Variants in NDUFA5 observed in about 807,000 individuals in gnomAD.
The protein encoded by NDUFA5 is NADH dehydrogenase [ubiquinone] 1 alpha subcomplex subunit 5.
NDUFA5 carries 11 observed loss-of-function variants against 19.8 expected under a neutral mutation model. The ratio of observed to expected loss-of-function variants is 0.56; its 90% CI spans 0.35 to 0.92. The LOEUF is 0.92. NDUFA5 is among the 40% of genes least tolerant of loss of function. The pLI is 0.01. For synonymous variants in NDUFA5, 47 were observed against 46.8 expected, an observed-to-expected ratio of 1.00 and a Z score of -0.01; for missense variants, 109 against 134.2, an observed-to-expected ratio of 0.81 and a Z score of 0.93.
Position 123,541,141 on chromosome 7 carries a change from A to G in NDUFA5, c.*978T>C, listed in dbSNP as rs1397772397. 1 of 152,146 alleles carries G rather than the reference A, an allele frequency of 6.6e-6. No individual in the cohort carries two copies. Among genetic ancestry groups the G allele is most frequent in the African/African-American group, 2.4e-5 (1 of 41,420 alleles). 9.4% of individuals were successfully genotyped at this position (152,146 alleles called of 1,614,324 possible). A position where few individuals can be genotyped will look rare whatever the true frequency, so the allele number is the denominator to read the frequency against. On this transcript the variant is annotated 3_prime_UTR_variant, in exon 5 of 5. Coordinates refer to ENST00000355749, the MANE Select transcript of NDUFA5 (RefSeq NM_005000.5). ...ATACCCACCTACACTTATATTAGAA[A>G]CGTACTGCAAACTATTTAGTGACTC...
chr7:123,559,851 G>A (rs759761276), upstream of NDUFA5, among the ~76,000 whole-genome samples: 77 of 121,148 alleles, frequency 6.4e-4, no homozygotes, highest in Non-Finnish European at 1.1e-3. Context: ...GCAAGATTCC[G>A]TCTCACAAAA....
intron 3 of NDUFA5, among the ~76,000 whole-genome samples, chr7:123,546,279 T>C (rs1371085380): frequency 1.3e-5 from 2 of 152,018 alleles, no homozygotes; most frequent in Non-Finnish European, 2.9e-5. Flanking sequence ...CAAGCCAGAG[T>C]ACAGTATGTA....
At chr7:123,575,477 T>G in the NDUFA5 span, among the ~76,000 whole-genome samples, 1 of 152,102 alleles carries the variant, frequency 6.6e-6, no homozygotes, top group Non-Finnish European at 1.5e-5. Context: ...GAAAACAACT[T>G]TAATTGTATC....
rs766305834 is a variant in NDUFA5, at chr7:123,540,890, G to GCGCGCGCGCGCGCACA, written c.*1228_*1229insTGTGCGCGCGCGCGCG. On this transcript the variant is annotated 3_prime_UTR_variant, in exon 5 of 5. Transcript: ENST00000355749. ...TCTGAGCAAATGTGCGCATGCGCGT[G>GCGCGCGCGCGCGCACA]CACACACACACACACACACACACAC... is the stretch of plus-strand genomic sequence containing the variant. The GCGCGCGCGCGCGCACA allele has an allele frequency of 1.1e-4, 15 of 133,830 alleles. No individual in the cohort carries two copies. The highest frequency in any genetic ancestry group is 4.4e-4 in the African/African-American group (15 of 33,802). 8.3% of individuals were successfully genotyped at this position (133,830 alleles called of 1,614,324 possible). A position where few individuals can be genotyped will look rare whatever the true frequency, so the allele number is the denominator to read the frequency against.
At chr7:123,579,187 T>C in the NDUFA5 span, among the ~76,000 whole-genome samples, 11 of 152,122 alleles carry the variant, frequency 7.2e-5, no homozygotes, top group Non-Finnish European at 1.0e-4. Context: ...TCACTTAGGG[T>C]AATGGCCTCC....
chr7:123,542,326 C>A, intron 4 of NDUFA5, 106 bp from the exon 5 acceptor site: 1 of 716,334 alleles, frequency 1.4e-6, no homozygotes, highest in Non-Finnish European at 2.3e-6. Context: ...TTTAATATCT[C>A]ATAATCTATT....
rs1562890110 is a variant in NDUFA5 at position 123,540,907 on chromosome 7, C to CACACACACACAA, written c.*1211_*1212insTTGTGTGTGTGT. On this transcript the variant is annotated 3_prime_UTR_variant, in exon 5 of 5. Coordinates refer to ENST00000355749, the MANE Select transcript of NDUFA5 (RefSeq NM_005000.5). ...ATGCGCGTGCACACACACACACACA[C>CACACACACACAA]ACACACACACACACACACACACACA... 1 of 150,332 alleles carries CACACACACACAA rather than the reference C, an allele frequency of 6.7e-6. No individual in the cohort carries two copies. The highest frequency in any genetic ancestry group is 1.9e-4 in the East Asian group (1 of 5,230). The allele number at this position is 150,332 out of a possible 1,614,324, so 9.3% of individuals were successfully genotyped here.
At chr7:123,545,556 G>A (rs1433236742) in intron 4 of NDUFA5, 55 bp downstream of exon 4, 22 of 1,354,198 alleles carry the variant, frequency 1.6e-5, no homozygotes, top group Non-Finnish European at 2.1e-5. Context: ...ATTCTAGAAC[G>A]TCAGTTGTGT....
the NDUFA5 span, among the ~76,000 whole-genome samples, chr7:123,572,204 C>T: frequency 2.1e-4 from 28 of 131,550 alleles, no homozygotes; most frequent in East Asian, 6.9e-4. Context: ...TGCAGTGACG[C>T]GATCTTGCCT....
the NDUFA5 span, among the ~76,000 whole-genome samples, chr7:123,576,660 C>G: frequency 6.6e-6 from 1 of 152,118 alleles, no homozygotes; most frequent in Non-Finnish European, 1.5e-5. Context: ...AAGACTTGTA[C>G]CACCACCTTG....
chr7:123,550,309 T>A, intron 3 of NDUFA5, 161 bp downstream of exon 3: 1 of 575,906 alleles, frequency 1.7e-6, no homozygotes, highest in South Asian at 1.9e-5. Flanking sequence ...TAGAAAACAC[T>A]CAATAAACAA....
the NDUFA5 span, among the ~76,000 whole-genome samples, chr7:123,598,297 T>C: frequency 6.6e-6 from 1 of 152,154 alleles, no homozygotes; most frequent in Non-Finnish European, 1.5e-5. Context: ...AACAATGATA[T>C]GAAATAACAA....
intron 3 of NDUFA5, among the ~76,000 whole-genome samples, chr7:123,547,574 A>G (rs1798182778): frequency 6.6e-6 from 1 of 152,146 alleles, no homozygotes; most frequent in African/African-American, 2.4e-5. Flanking sequence ...AGGGGGAGAA[A>G]AGGGGAAAAA....
the NDUFA5 span, among the ~76,000 whole-genome samples, chr7:123,565,738 G>A: frequency 2.6e-5 from 4 of 152,112 alleles, no homozygotes; most frequent in South Asian, 2.1e-4. Flanking sequence ...AAAGTTAGCC[G>A]GGCGCAGTGG....
the NDUFA5 span, among the ~76,000 whole-genome samples, chr7:123,589,735 G>A: frequency 6.6e-6 from 1 of 152,022 alleles, no homozygotes; most frequent in African/African-American, 2.4e-5. Flanking sequence ...GGACATTTGG[G>A]TTGATTCCAA....
At chr7:123,559,420 TATAGA>T (rs1436691269), upstream of NDUFA5, among the ~76,000 whole-genome samples, 1 of 151,658 alleles carries the variant, frequency 6.6e-6, no homozygotes, top group Non-Finnish European at 1.5e-5. Context: ...TATTCCAAAA[TATAGA>T]AGAGGAGGAA....
At chr7:123,558,874 A>G (rs1308038159), upstream of NDUFA5, among the ~76,000 whole-genome samples, 3 of 152,206 alleles carry the variant, frequency 2.0e-5, no homozygotes, top group Admixed American at 1.3e-4. Flanking sequence ...CTTAGGCAAC[A>G]GTTGAAGAGA....
At chr7:123,591,728 G>A in the NDUFA5 span, among the ~76,000 whole-genome samples, 4 of 152,196 alleles carry the variant, frequency 2.6e-5, no homozygotes, top group East Asian at 1.9e-4. Context: ...TTTTCACATC[G>A]ATGTTCATCA....
the NDUFA5 span, among the ~76,000 whole-genome samples, chr7:123,588,019 G>A: frequency 6.6e-6 from 1 of 151,674 alleles, no homozygotes; most frequent in Non-Finnish European, 1.5e-5. Context: ...TCCTTGTCTG[G>A]CTTTGGTATC....
Sources: allele counts gnomAD v4.1 joint callset (sites outside exome capture counted in the v4.1 genomes callset), GRCh38; gene constraint gnomAD v4.1.1; transcripts MANE v1.5; gene names NCBI Gene and HGNC (gene_info 2026-07-23, HGNC 2026-07-21).